The following ZNF263 variants were observed in gnomAD, a reference collection of about 807,000 sequenced individuals.
ZNF263 encodes the protein zinc finger protein 263.
ZNF263 carries 49 observed loss-of-function variants against 63.1 expected under a neutral mutation model. That is an observed-to-expected ratio of 0.78 (90% CI 0.62 to 0.99). The LOEUF (loss-of-function observed/expected upper bound fraction) is 0.99, where lower values mean the gene tolerates loss of function less well. Among genes scored for constraint, ZNF263 ranks in the 50% least tolerant of loss-of-function variants. ZNF263 has a pLI of 0.00. For missense variants in ZNF263, 872 were observed against 854.8 expected (o/e 1.02, Z -0.25); for synonymous variants, 352 against 324.2 (o/e 1.09, Z -0.92).
chr16:3,293,583 C>T (rs1347126574), downstream of ZNF263, among the ~76,000 whole-genome samples: 2 of 152,188 alleles, frequency 1.3e-5, no homozygotes, highest in African/African-American at 4.8e-5. Flanking sequence ...GGACCTCTAG[C>T]CTCTAAGTCC....
intron 5 of ZNF263, 60 bp downstream of exon 5, chr16:3,288,630 G>A: frequency 7.4e-7 from 1 of 1,347,862 alleles, no homozygotes; most frequent in Non-Finnish European, 1.0e-6. Flanking sequence ...AGTTAAGAGT[G>A]AGGCATTTTT....
chr16:3,284,165 T>C lies in ZNF263; in HGVS notation c.347T>C (p.Val116Ala). Residue 116 changes from valine (V) to alanine (A), a missense_variant, in exon 1 of 6, where the codon GTG becomes GCG. Val to Ala is a moderately conservative substitution (Grantham distance 64, BLOSUM62 0). Transcript: ENST00000219069. ...AGCGGCGAAGAAGCGGTGACCCTTG[T>C]GGAGGATATGCAGAGAGAGCTTGGG... ...PESGEEAVTL[V>A]EDMQRELGRL... is the part of the protein sequence containing the mutation. The C allele has an allele frequency of 6.3e-7, 1 of 1,584,386 alleles. No individual in the cohort carries two copies. The highest frequency in any genetic ancestry group is 8.6e-7 in the Non-Finnish European group (1 of 1,164,534).
chr16:3,283,709 A>AG lies in ZNF263; in HGVS notation c.-109dup. On this transcript the variant is annotated 5_prime_UTR_variant, in exon 1 of 6. Transcript: ENST00000219069. ...GCGGGGCTCCTCGGCCTGGACTGGG[A>AG]GCCCCCGGCCCCGGGCTCCTGCTGG... is the stretch of plus-strand genomic sequence containing the variant. The AG allele has an allele frequency of 2.9e-6, 4 of 1,386,408 alleles. No homozygotes were observed. The highest frequency in any genetic ancestry group is 3.7e-6 in the Non-Finnish European group (4 of 1,074,332). The allele number at this position is 1,386,408 out of a possible 1,614,324, so 85.9% of individuals were successfully genotyped here.
intron 4 of ZNF263, among the ~76,000 whole-genome samples, chr16:3,288,050 G>A (rs1015840207): frequency 1.3e-5 from 2 of 151,800 alleles, no homozygotes; most frequent in East Asian, 3.9e-4. Flanking sequence ...TCAGGAGTTC[G>A]AGACCAGCCT....
chr16:3,300,429 T>A, intron 2 of ZNF263: 1 of 1,614,206 alleles, frequency 6.2e-7, no homozygotes, highest in Non-Finnish European at 8.5e-7. Flanking sequence ...CCCCTACTAA[T>A]GGCATGTCCT....
At chr16:3,286,371 C>T (rs1567250367) in intron 4 of ZNF263, 1 of 509,118 alleles carries the variant, frequency 2.0e-6, no homozygotes. Context: ...GAGCCTAAGG[C>T]GAGTCTGAGC....
intron 1 of ZNF263, 123 bp from the exon 2 acceptor site, chr16:3,284,936 G>T: frequency 1.6e-6 from 2 of 1,249,834 alleles, no homozygotes; most frequent in South Asian, 3.0e-5. Flanking sequence ...CCATTTTTCT[G>T]TTACCTGGGC....
In ZNF263 at chr16:3,286,108, G is replaced by A. The variant is rs1285170570; in HGVS notation, c.728G>A (p.Arg243Lys). Residue 243 changes from arginine to lysine, a missense_variant, in exon 4 of 6, where the codon AGG becomes AAG. Coordinates refer to ENST00000219069, the MANE Select transcript of ZNF263 (RefSeq NM_005741.5). ...GATCCTAGTAAGAGGGCCCTCTCCA[G>A]GGACACGGTGCAGGAGAGTTATGAG... is the stretch of plus-strand genomic sequence containing the variant. ...HQDPSKRALSRDTVQESYENV... is the reference protein window; with the variant it reads ...HQDPSKRALSKDTVQESYENV... 2 of 1,611,228 alleles carry A rather than the reference G, an allele frequency of 1.2e-6. No individual in the cohort carries two copies. The highest frequency in any genetic ancestry group is 4.5e-5 in the East Asian group (2 of 44,886).
chr16:3,288,383 A>T lies in ZNF263; in HGVS notation c.770-71A>T, dbSNP rs1228107515. On this transcript the variant is annotated intron_variant, in intron 4 of 5. Coordinates refer to ENST00000219069, the MANE Select transcript of ZNF263 (RefSeq NM_005741.5). ...CTGTATTTATCCACTGAGGGCAGGG[A>T]ACAAGACTGTTTCCCTACCCTGGTA... 2.7e-6 allele frequency: 3 copies of T among 1,123,050 alleles called. No individual in the cohort carries two copies. The Admixed American group carries it at 5.1e-5, about 19-fold the overall frequency. 69.6% of individuals were successfully genotyped at this position (1,123,050 alleles called of 1,614,324 possible).
chr16:3,291,522 C>G, downstream of ZNF263: 2 of 983,082 alleles, frequency 2.0e-6, no homozygotes, highest in Non-Finnish European at 2.4e-6. Flanking sequence ...TGTCTCCCCT[C>G]TGCCTTGGTC....
At position 3,283,718 on chromosome 16, in the gene ZNF263, C is replaced by G. The variant is rs1959234085; in HGVS notation, c.-101C>G. ...CTCGGCCTGGACTGGGAGCCCCCGG[C>G]CCCGGGCTCCTGCTGGCGCCGTCCA... On this transcript the variant is annotated 5_prime_UTR_variant, in exon 1 of 6. Coordinates refer to ENST00000219069, the MANE Select transcript of ZNF263 (RefSeq NM_005741.5). 4.3e-6 allele frequency: 6 copies of G among 1,401,608 alleles called. No homozygotes were observed. The South Asian group carries it at 6.8e-5, about 16-fold the overall frequency. The allele number at this position is 1,401,608 out of a possible 1,614,324, so 86.8% of individuals were successfully genotyped here.
At chr16:3,296,653 A>G (rs1224998586) in intron 1 of ZNF263, among the ~76,000 whole-genome samples, 1 of 152,252 alleles carries the variant, frequency 6.6e-6, no homozygotes, top group Non-Finnish European at 1.5e-5. Flanking sequence ...CAATGTTGAT[A>G]TATTTTTTCT....
At chr16:3,291,627 C>T (rs1959614791), downstream of ZNF263, among the ~76,000 whole-genome samples, 3 of 152,232 alleles carry the variant, frequency 2.0e-5, no homozygotes, top group Non-Finnish European at 4.4e-5. Flanking sequence ...GGCCTGGCAG[C>T]CTCCAGGCTG....
chr16:3,289,791 C>CT lies in ZNF263; in HGVS notation c.1286dup (p.Glu431ArgfsTer8). Reference sequence around the variant, plus strand: ...TTTCCTGTCACTACACAGAGCACACCTGGGAGAGGAGGCCCACAAGTGCCT... The same window carrying CT: ...TTTCCTGTCACTACACAGAGCACACCTTGGGAGAGGAGGCCCACAAGTGCCT... On this transcript the variant is annotated frameshift_variant, in exon 6 of 6. Transcript: ENST00000219069. LOFTEE classifies it high-confidence loss of function. 6.2e-7 allele frequency: 1 copy of CT among 1,614,198 alleles called. No homozygotes were observed. Among genetic ancestry groups the CT allele is most frequent in the Non-Finnish European group, 8.5e-7 (1 of 1,180,038 alleles).
At chr16:3,285,914 C>A in intron 3 of ZNF263, 109 bp from the exon 4 acceptor site, 3 of 1,566,798 alleles carry the variant, frequency 1.9e-6, no homozygotes, top group South Asian at 1.1e-5. Flanking sequence ...TACCCTTCTT[C>A]CCCCCTGACA....
rs1358793277 is a variant in ZNF263 at position 3,289,552 on chromosome 16, C to G, written c.1046C>G (p.Pro349Arg). Residue 349 changes from proline to arginine, a missense_variant, in exon 6 of 6, where the codon CCA becomes CGA. Pro to Arg is a moderately radical substitution (Grantham distance 103). Coordinates refer to ENST00000219069, the MANE Select transcript of ZNF263 (RefSeq NM_005741.5). ...TCGCAAGGGGATTGGGCGCCTCCCCCAGAGGGTGGAATGGAGCAGGCCTTG... is the reference window on the plus strand; with the variant it reads ...TCGCAAGGGGATTGGGCGCCTCCCCGAGAGGGTGGAATGGAGCAGGCCTTG... ...DRSQGDWAPP[P>R]EGGMEQALAG... 10 of 1,611,258 alleles carry G rather than the reference C, an allele frequency of 6.2e-6. No homozygotes were observed. Among genetic ancestry groups the G allele is most frequent in the Non-Finnish European group, 7.6e-6 (9 of 1,178,468 alleles).
chr16:3,290,262 C>T lies in ZNF263; in HGVS notation c.1756C>T (p.Gln586Ter). The change falls in exon 6 of 6, where the codon CAG (glutamine) becomes TAG (stop). Residue 586 changes from glutamine to a stop codon, truncating the protein, a stop_gained. Transcript: ENST00000219069. LOFTEE classifies it high-confidence loss of function. ...TTTGACTTGTGGGAAAAGCTTCCGG[C>T]AGGGCATGCACCTCACCAGACATCA... ...ECLTCGKSFR[Q>*]GMHLTRHQRT... 6.2e-7 allele frequency: 1 copy of T among 1,614,108 alleles called. No homozygotes were observed. Among genetic ancestry groups the T allele is most frequent in the Non-Finnish European group, 8.5e-7 (1 of 1,180,012 alleles).
intron 1 of ZNF263, among the ~76,000 whole-genome samples, chr16:3,296,674 G>A (rs1959755030): frequency 6.6e-6 from 1 of 151,980 alleles, no homozygotes; most frequent in Non-Finnish European, 1.5e-5. Flanking sequence ...ACAAGTTCTG[G>A]GTAATAAATA....
chr16:3,284,348 A>C, intron 1 of ZNF263, 143 bp downstream of exon 1: 3 of 1,323,032 alleles, frequency 2.3e-6, no homozygotes, highest in Non-Finnish European at 2.9e-6. Flanking sequence ...TGGAACACTC[A>C]TCCTCCAGAT....
Sources: allele counts gnomAD v4.1 joint callset (sites outside exome capture counted in the v4.1 genomes callset), GRCh38; gene constraint gnomAD v4.1.1; transcripts MANE v1.5; gene names NCBI Gene and HGNC (gene_info 2026-07-23, HGNC 2026-07-21).